NDRG1: variants seen among roughly 807,000 people sequenced by gnomAD.
NDRG1 encodes N-myc downstream regulated 1.
Under a neutral mutation model 56.9 loss-of-function variants are expected in NDRG1, and 32 were observed. The observed-to-expected ratio is 0.56, with a 90% confidence interval of 0.42 to 0.76. The LOEUF (loss-of-function observed/expected upper bound fraction) is 0.76. Ranked by LOEUF, NDRG1 falls within the 30% of genes least tolerant of loss-of-function variation. NDRG1 has a pLI of 0.00. For synonymous variants in NDRG1, 211 were observed against 204.1 expected, an observed-to-expected ratio of 1.03 and a Z score of -0.29; for missense variants, 507 against 545.7, an observed-to-expected ratio of 0.93 and a Z score of 0.71.
chr8:133,280,464 C>T (rs1857732100), intron 2 of NDRG1, among the ~76,000 whole-genome samples, 197 bp from the exon 3 acceptor site: 1 of 150,086 alleles, frequency 6.7e-6, no homozygotes, highest in East Asian at 2.0e-4. Context: ...TGCTCTGTCG[C>T]CCAGGTTAGA....
chr8:133,247,732 C>T (rs975088850), intron 12 of NDRG1, 143 bp downstream of exon 12: 47 of 903,378 alleles, frequency 5.2e-5, no homozygotes, highest in Middle Eastern at 3.1e-4. Flanking sequence ...GCCCTCTGCC[C>T]AAAGGCCAAT....
At chr8:133,245,208 C>T (rs953410139) in intron 13 of NDRG1, among the ~76,000 whole-genome samples, 14 of 152,160 alleles carry the variant, frequency 9.2e-5, no homozygotes, top group African/African-American at 3.1e-4. Flanking sequence ...ATTAGACTGA[C>T]GCTGTGGAAG....
At position 133,296,673 on chromosome 8, in the gene NDRG1, A is replaced by G. The variant is rs73708720; in HGVS notation, c.-19+461T>C. On this transcript the variant is annotated intron_variant, in intron 1 of 15. Coordinates refer to ENST00000323851, the MANE Select transcript of NDRG1 (RefSeq NM_006096.4). ...CCCCTCATCTACACACTCGCGCGCA[A>G]TCTCTCCGTTCCCAGACACAGACAC... The G allele has an allele frequency of 0.022, 8,446 of 380,590 alleles. 700 individuals are homozygous for G. The highest frequency in any genetic ancestry group is 0.17 in the African/African-American group (7,591 of 44,042). 23.6% of individuals were successfully genotyped at this position (380,590 alleles called of 1,614,324 possible).
In NDRG1 at chr8:133,239,011, C is replaced by T. The variant is rs1282857383; in HGVS notation, c.1052G>A (p.Arg351Gln). The change falls in exon 16 of 16, where the codon CGA becomes CAA. Residue 351 changes from arginine (R) to glutamine (Q), a missense_variant. By Grantham distance (43) the Arg-to-Gln change is conservative (BLOSUM62 1). Coordinates refer to ENST00000323851, the MANE Select transcript of NDRG1 (RefSeq NM_006096.4). Reference protein sequence around the residue: ...RSRSHTSEGTRSRSHTSEGTR... With the variant: ...RSRSHTSEGTQSRSHTSEGTR... Reference sequence around the variant, plus strand: ...GCCCTCGCTGGTGTGGGAGCGGCTTCGGGTGCCCTCGCTGGTGTGGGAGCG... The same window carrying T: ...GCCCTCGCTGGTGTGGGAGCGGCTTTGGGTGCCCTCGCTGGTGTGGGAGCG... 5.6e-6 allele frequency: 9 copies of T among 1,597,890 alleles called. No individual in the cohort carries two copies. Among genetic ancestry groups the T allele is most frequent in the Admixed American group, 1.7e-5 (1 of 57,240 alleles).
chr8:133,294,008 C>A (rs938273994), intron 1 of NDRG1, among the ~76,000 whole-genome samples: 4 of 152,210 alleles, frequency 2.6e-5, no homozygotes, highest in Non-Finnish European at 5.9e-5. Context: ...AACACCTACA[C>A]GCTGTTTTCC....
chr8:133,283,822 A>G (rs972785403), intron 2 of NDRG1, among the ~76,000 whole-genome samples: 1 of 152,210 alleles, frequency 6.6e-6, no homozygotes, highest in Admixed American at 6.5e-5. Context: ...CTTTAATGAG[A>G]GCTGAGGCAG....
chr8:133,279,895 C>G (rs959110591), intron 3 of NDRG1, among the ~76,000 whole-genome samples: 4 of 152,210 alleles, frequency 2.6e-5, no homozygotes, highest in African/African-American at 9.7e-5. Flanking sequence ...CAAGCTTTTG[C>G]TTCCGTTCCC....
rs192651694 is a variant in NDRG1, at chr8:133,258,619, C to T, written c.390-193G>A. On this transcript the variant is annotated intron_variant, in intron 6 of 15. Coordinates refer to ENST00000323851, the MANE Select transcript of NDRG1 (RefSeq NM_006096.4). ...GACCTCGACCTTGGAGAGCCGCGCC[C>T]CTTCTCCTCACTTCCCTCCTGGCCG... Among the ~76,000 whole-genome samples the T allele has an allele frequency of 1.1e-4, 16 of 152,328 alleles. No homozygotes were observed. The East Asian group carries it at 2.9e-3, about 28-fold the overall frequency.
chr8:133,296,779 C>A, intron 1 of NDRG1: 2 of 219,992 alleles, frequency 9.1e-6, no homozygotes, highest in South Asian at 4.1e-5. Flanking sequence ...CCCCTGCCAG[C>A]GGCGCCAGCT....
At chr8:133,278,496 G>A (rs1412471974) in intron 3 of NDRG1, among the ~76,000 whole-genome samples, 2 of 152,108 alleles carry the variant, frequency 1.3e-5, no homozygotes, top group Non-Finnish European at 2.9e-5. Context: ...AGAGAGGAAC[G>A]GGATGGAGCT....
intron 9 of NDRG1, among the ~76,000 whole-genome samples, chr8:133,251,052 T>A (rs1017942047): frequency 6.6e-6 from 1 of 152,136 alleles, no homozygotes; most frequent in African/African-American, 2.4e-5. Context: ...TGGGAAGAGC[T>A]GAAAAGAAGT....
At position 133,259,465 on chromosome 8, in the gene NDRG1, T is replaced by C. The variant is rs1856556164; in HGVS notation, c.327-235A>G. 1.2e-5 allele frequency: 7 copies of C among 577,040 alleles called. 1 individual carries two copies. The highest frequency in any genetic ancestry group is 5.8e-5 in the South Asian group (3 of 51,318). 35.7% of individuals were successfully genotyped at this position (577,040 alleles called of 1,614,324 possible). A position where few individuals can be genotyped will look rare whatever the true frequency, so the allele number is the denominator to read the frequency against. On this transcript the variant is annotated intron_variant, in intron 5 of 15. Transcript: ENST00000323851. ...ACATTCTGGGAATTAGCTCATTCAA[T>C]TTTCACAATAACTCTAGGAGGCTGC...
chr8:133,244,207 C>T, intron 14 of NDRG1, 148 bp downstream of exon 14: 1 of 995,800 alleles, frequency 1.0e-6, no homozygotes, highest in Non-Finnish European at 1.5e-6. Flanking sequence ...AATCAGAGTC[C>T]TCCTATATAG....
At chr8:133,285,983 G>A (rs538523696) in intron 1 of NDRG1, among the ~76,000 whole-genome samples, 1 of 152,254 alleles carries the variant, frequency 6.6e-6, no homozygotes, top group Admixed American at 6.5e-5. Context: ...CCCTCATTCT[G>A]GGAGTGAAAG....
rs367925853 is a variant in NDRG1 at position 133,238,954 on chromosome 8, G to C, written c.1109C>G (p.Ala370Gly). The C allele has an allele frequency of 2.0e-5, 31 of 1,576,934 alleles. No homozygotes were observed. In the Middle Eastern group the frequency reaches 6.8e-4, roughly 35 times the overall value. Reference protein sequence around the residue: ...TRSRSHTSEGAHLDITPNSGA... With the variant: ...TRSRSHTSEGGHLDITPNSGA... ...CGAGTTGGGGGTGATGTCCAGGTGG[G>C]CCCCCTCGCTGGTGTGCGAGCGGCT... The change falls in exon 16 of 16, where the codon GCC becomes GGC. Residue 370 changes from alanine to glycine, a missense_variant. Ala to Gly is a moderately conservative substitution (Grantham distance 60, BLOSUM62 0). Transcript: ENST00000323851.
At position 133,258,109 on chromosome 8, in the gene NDRG1, G is replaced by A. The variant is rs536857261; in HGVS notation, c.450+257C>T. On this transcript the variant is annotated intron_variant, in intron 7 of 15. Coordinates refer to ENST00000323851, the MANE Select transcript of NDRG1 (RefSeq NM_006096.4). ...GCAGAGTACTCAGTGAGTGAGGAGCGTCCTCACTAGATGGCTAAGCGGACA... is the reference window on the plus strand; with the variant it reads ...GCAGAGTACTCAGTGAGTGAGGAGCATCCTCACTAGATGGCTAAGCGGACA... Among the ~76,000 whole-genome samples, 23 of 152,100 alleles carry A rather than the reference G, an allele frequency of 1.5e-4. No homozygotes were observed. The South Asian group carries it at 4.2e-3, about 28-fold the overall frequency.
At chr8:133,290,380 G>A (rs577785603) in intron 1 of NDRG1, among the ~76,000 whole-genome samples, 4 of 152,212 alleles carry the variant, frequency 2.6e-5, no homozygotes, top group Non-Finnish European at 4.4e-5. Context: ...CTCTAAACCC[G>A]GTACTTCCTT....
intron 1 of NDRG1, among the ~76,000 whole-genome samples, chr8:133,287,650 A>C (rs1309984464): frequency 1.3e-5 from 2 of 152,116 alleles, no homozygotes; most frequent in Non-Finnish European, 2.9e-5. Flanking sequence ...CTGGACAGAG[A>C]TCCTCAGCTC....
chr8:133,253,126 A>G (rs750962903), intron 9 of NDRG1, among the ~76,000 whole-genome samples: 13 of 152,256 alleles, frequency 8.5e-5, no homozygotes, highest in Admixed American at 2.6e-4. Context: ...AACCAAGCCC[A>G]TGGCATACCC....
Sources: allele counts gnomAD v4.1 joint callset (sites outside exome capture counted in the v4.1 genomes callset), GRCh38; gene constraint gnomAD v4.1.1; transcripts MANE v1.5; gene names NCBI Gene and HGNC (gene_info 2026-07-23, HGNC 2026-07-21).